The following HDAC4 variants were observed in gnomAD, a reference collection of about 807,000 sequenced individuals.
HDAC4 encodes histone deacetylase A.
HDAC4 carries 16 observed loss-of-function variants against 135.1 expected under a neutral mutation model. That is an observed-to-expected ratio of 0.12 (90% CI 0.08 to 0.18). The LOEUF (loss-of-function observed/expected upper bound fraction) is 0.18, where lower values mean the gene tolerates loss of function less well. Among genes scored for constraint, HDAC4 ranks in the 10% least tolerant of loss-of-function variants. The pLI, the probability that HDAC4 is intolerant of heterozygous loss-of-function variation, is 1.00. For synonymous variants in HDAC4, 685 were observed against 653.4 expected, an observed-to-expected ratio of 1.05 and a Z score of -0.74; for missense variants, 1,143 against 1,511.8, an observed-to-expected ratio of 0.76 and a Z score of 4.05.
At chr2:239,075,685 G>A (rs527353897) in intron 22 of HDAC4, among the ~76,000 whole-genome samples, 2 of 152,228 alleles carry the variant, frequency 1.3e-5, no homozygotes, top group Non-Finnish European at 2.9e-5. Context: ...TCCCCTTCCC[G>A]TGGCCTCAAT....
rs1346021169 is a variant in HDAC4 at position 239,132,546 on chromosome 2, C to T, written c.1294+1699G>A. 3.3e-5 allele frequency among the ~76,000 whole-genome samples: 5 copies of T among 152,282 alleles called. No individual in the cohort carries two copies. In the East Asian group the frequency reaches 9.7e-4, roughly 29 times the overall value. On this transcript the variant is annotated intron_variant, in intron 11 of 26. Coordinates refer to ENST00000543185, the MANE Select transcript of HDAC4 (RefSeq NM_001378414.1). ...GCCCCCTGGTGGCACAGAGCCTGGG[C>T]AGGGCACGGTGGGCAGGTCCCCATG...
chr2:239,183,043 GC>G (rs2044253778), intron 4 of HDAC4, among the ~76,000 whole-genome samples: 1 of 152,216 alleles, frequency 6.6e-6, no homozygotes, highest in African/African-American at 2.4e-5. Flanking sequence ...ACTCCATGGG[GC>G]AAGGGCTGTT....
At chr2:239,124,335 C>T (rs1390457965) in intron 12 of HDAC4, among the ~76,000 whole-genome samples, 7 of 152,152 alleles carry the variant, frequency 4.6e-5, no homozygotes, top group Admixed American at 2.6e-4. Context: ...CTGGCTCCCA[C>T]GAGTCTGTGT....
chr2:239,056,169 T>C (rs549965483), intron 24 of HDAC4, among the ~76,000 whole-genome samples: 2 of 152,148 alleles, frequency 1.3e-5, no homozygotes, highest in Non-Finnish European at 2.9e-5. Flanking sequence ...CACAGCAGGC[T>C]TCAAATGAGC....
Position 239,262,154 on chromosome 2 carries a change from G to A in HDAC4, c.23-25490C>T, listed in dbSNP as rs149301660. ...CCACGCTCACCCCAAGGCCCAAGAA[G>A]GAGCCACGGTCCACTGAGACCCACG... On this transcript the variant is annotated intron_variant, in intron 2 of 26. Transcript: ENST00000543185. The surrounding 1 kb of genome is among the most constrained non-coding windows in gnomAD (Gnocchi z 4.1). Among the ~76,000 whole-genome samples the A allele has an allele frequency of 6.5e-4, 99 of 152,306 alleles. No homozygotes were observed. The highest frequency in any genetic ancestry group is 1.1e-3 in the Non-Finnish European group (77 of 68,028).
At chr2:239,163,705 T>C (rs1172259127) in intron 6 of HDAC4, 98 bp downstream of exon 6, 1 of 1,258,268 alleles carries the variant, frequency 7.9e-7, no homozygotes, top group African/African-American at 1.5e-5. Flanking sequence ...CTTCCCTGCC[T>C]CCGGTGAAGA....
At chr2:239,217,603 G>A (rs1461632376) in intron 3 of HDAC4, among the ~76,000 whole-genome samples, 1 of 152,150 alleles carries the variant, frequency 6.6e-6, no homozygotes, top group Admixed American at 6.5e-5. Context: ...ATCGTCTGAA[G>A]GTGCTGGAAC....
At chr2:239,157,377 C>G (rs1451359366) in intron 6 of HDAC4, among the ~76,000 whole-genome samples, 1 of 152,220 alleles carries the variant, frequency 6.6e-6, no homozygotes, top group Non-Finnish European at 1.5e-5. Flanking sequence ...AGGATGGCAG[C>G]TACTGATACC....
intron 3 of HDAC4, among the ~76,000 whole-genome samples, chr2:239,223,609 T>C (rs291332): frequency 0.9 from 136,271 of 152,182 alleles, 61,109 homozygotes; most frequent in East Asian, 0.98. Flanking sequence ...ACACGGTACG[T>C]AGCTGAGTGA....
chr2:239,222,034 G>T (rs2046984809), intron 3 of HDAC4, among the ~76,000 whole-genome samples: 1 of 152,168 alleles, frequency 6.6e-6, no homozygotes, highest in Non-Finnish European at 1.5e-5. Context: ...TCCAAATGCG[G>T]CTGTAAACTT....
intron 22 of HDAC4, among the ~76,000 whole-genome samples, chr2:239,078,949 G>A (rs1399167026): frequency 1.3e-5 from 2 of 152,342 alleles, no homozygotes; most frequent in African/African-American, 2.4e-5. Flanking sequence ...CTCTCTGCAC[G>A]GGAATTTGGC....
rs868009731 is a variant in HDAC4, at chr2:239,120,255, C to T, written c.1534-4945G>A. Among the ~76,000 whole-genome samples the T allele has an allele frequency of 2.6e-5, 4 of 152,244 alleles. No homozygotes were observed. In the South Asian group the frequency reaches 8.3e-4, roughly 32 times the overall value. On this transcript the variant is annotated intron_variant, in intron 12 of 26. Transcript: ENST00000543185. ...CAAAGCTGGGAGCACAGAGGAGCTA[C>T]GCAGAGCTGGGGAGCTGAAGAAACA...
chr2:239,098,627 T>C (rs950734411), intron 16 of HDAC4, among the ~76,000 whole-genome samples: 2 of 152,212 alleles, frequency 1.3e-5, no homozygotes, highest in African/African-American at 4.8e-5. Context: ...GCCTTATGTG[T>C]GGCATCTCAC....
rs1373440077 is a variant in HDAC4 at position 239,240,936 on chromosome 2, T to C, written c.23-4272A>G. Among the ~76,000 whole-genome samples the C allele has an allele frequency of 6.6e-6, 1 of 151,550 alleles. No homozygotes were observed. Among genetic ancestry groups the C allele is most frequent in the Non-Finnish European group, 1.5e-5 (1 of 68,036 alleles). On this transcript the variant is annotated intron_variant, in intron 2 of 26. Coordinates refer to ENST00000543185, the MANE Select transcript of HDAC4 (RefSeq NM_001378414.1). The surrounding 1 kb of genome is among the most constrained non-coding windows in gnomAD (Gnocchi z 4.5). ...CCACCTTGCATCAGACGGGTAGGTA[T>C]GTCTAACCAGAAACCCGGCCTTCTG... is the stretch of plus-strand genomic sequence containing the variant.
chr2:239,105,044 G>C (rs1042953717), intron 15 of HDAC4, among the ~76,000 whole-genome samples: 1 of 152,248 alleles, frequency 6.6e-6, no homozygotes, highest in Non-Finnish European at 1.5e-5. Flanking sequence ...GCAATATTGT[G>C]ACGGCTCAGA....
intron 1 of HDAC4, among the ~76,000 whole-genome samples, chr2:239,399,017 A>AT (rs2049169747): frequency 6.6e-6 from 1 of 152,260 alleles, no homozygotes; most frequent in East Asian, 1.9e-4. Flanking sequence ...AAGTCTTACA[A>AT]TGTGTTGGGG....
chr2:239,074,784 T>C (rs1188278774), intron 22 of HDAC4, among the ~76,000 whole-genome samples: 2 of 152,280 alleles, frequency 1.3e-5, no homozygotes, highest in Admixed American at 6.5e-5. Flanking sequence ...AAGCTGAGCA[T>C]GGCACTCCCT....
At chr2:239,111,738 G>A (rs2038690267) in intron 13 of HDAC4, 26 bp from the exon 14 acceptor site, 1 of 1,570,078 alleles carries the variant, frequency 6.4e-7, no homozygotes, top group Non-Finnish European at 8.6e-7. Context: ...GGCCGTGTTG[G>A]CGGTTGCGGA....
In HDAC4 at chr2:239,053,531, G is replaced by C. The variant is rs774333411; in HGVS notation, c.3159C>G (p.Cys1053Trp). The C allele has an allele frequency of 3.7e-6, 6 of 1,613,886 alleles. No individual in the cohort carries two copies. The highest frequency in any genetic ancestry group is 1.1e-5 in the South Asian group (1 of 91,088). The change falls in exon 26 of 27, where the codon TGC becomes TGG. Residue 1053 changes from cysteine to tryptophan, a missense_variant. Cys to Trp is a radical substitution (Grantham distance 215, BLOSUM62 -2). This residue lies in a region of HDAC4 where 131 missense variants were observed against 130.6 expected (regional missense o/e 1.00). Transcript: ENST00000543185. The stretch of plus-strand genomic sequence containing the variant: ...TGACCGTCTCGGCTTCTTCGTTCTC[G>C]CAAGTCTGAGCCTCGATCAGAGAAC... The part of the protein sequence containing the change: ...AGRSLIEAQT[C>W]ENEEAETVTA...
Sources: gnomAD v4.1 joint callset for allele counts (sites outside exome capture counted in the v4.1 genomes callset) on GRCh38, gnomAD v4.1.1 for gene constraint, gnomAD v4.1.1 regional missense constraint, Gnocchi (gnomAD v3.1) non-coding constraint, MANE v1.5 for transcripts, NCBI Gene and HGNC (gene_info 2026-07-23, HGNC 2026-07-21) for gene names.